Variants in TBL1XR1 observed in about 807,000 individuals in gnomAD.
TBL1XR1 encodes the protein F-box-like/WD repeat-containing protein TBL1XR1.
TBL1XR1 carries 5 observed loss-of-function variants against 66.9 expected under a neutral mutation model. The ratio of observed to expected loss-of-function variants is 0.07; its 90% CI spans 0.04 to 0.16. The LOEUF is 0.16. Among genes scored for constraint, TBL1XR1 ranks in the 10% least tolerant of loss-of-function variants. The pLI is 1.00. For missense variants in TBL1XR1, 238 were observed against 623.2 expected (o/e 0.38, Z 6.58); for synonymous variants, 210 against 206.0 (o/e 1.02, Z -0.17).
intron 1 of TBL1XR1, among the ~76,000 whole-genome samples, chr3:177,099,860 C>T (rs978209425): frequency 2.6e-5 from 4 of 152,206 alleles, no homozygotes; most frequent in African/African-American, 7.2e-5. Context: ...ATCAATGGAG[C>T]ATTTTTGTCA....
At chr3:177,179,528 C>G (rs374753970) in intron 1 of TBL1XR1, among the ~76,000 whole-genome samples, 1 of 152,118 alleles carries the variant, frequency 6.6e-6, no homozygotes, top group East Asian at 1.9e-4. Flanking sequence ...AATATGGGAA[C>G]TGAAGCTCAA....
At chr3:177,073,703 AG>A (rs1720332554) in intron 2 of TBL1XR1, among the ~76,000 whole-genome samples, 3 of 152,344 alleles carry the variant, frequency 2.0e-5, no homozygotes, top group South Asian at 4.1e-4. Flanking sequence ...GGAACAATAC[AG>A]TGAAGAGTGG....
rs1712361561 is a variant in TBL1XR1 at position 177,021,542 on chromosome 3, T to A, written c.*3956A>T. The A allele has an allele frequency of 6.6e-6, 1 of 152,518 alleles. No individual in the cohort carries two copies. Among genetic ancestry groups the A allele is most frequent in the African/African-American group, 2.4e-5 (1 of 41,436 alleles). 9.4% of individuals were successfully genotyped at this position (152,518 alleles called of 1,614,324 possible). ...TTCCTCTTTCTTCTCTCTTCTACAT[T>A]TAACTAGAATCATGTTTAAAAAAAA... On this transcript the variant is annotated 3_prime_UTR_variant, in exon 16 of 16. Coordinates refer to ENST00000457928, the MANE Select transcript of TBL1XR1 (RefSeq NM_024665.7).
intron 1 of TBL1XR1, among the ~76,000 whole-genome samples, chr3:177,171,684 C>T (rs1259136661): frequency 9.0e-6 from 1 of 111,076 alleles, no homozygotes; most frequent in Non-Finnish European, 1.6e-5. Flanking sequence ...GCCTGGGCAA[C>T]AGAGCCAGAC....
In TBL1XR1 at chr3:177,112,387, C is replaced by G. The variant is rs1267139891; in HGVS notation, c.-121-13846G>C. ...CCTCCAAAAGTGCTGGGATTACAGG[C>G]ACGAGCCACGGCCCCCGGCCTAAAG... On this transcript the variant is annotated intron_variant, in intron 1 of 15. Coordinates refer to ENST00000457928, the MANE Select transcript of TBL1XR1 (RefSeq NM_024665.7). Among the ~76,000 whole-genome samples, 3 of 151,718 alleles carry G rather than the reference C, an allele frequency of 2.0e-5. No homozygotes were observed. The East Asian group carries it at 5.9e-4, about 30-fold the overall frequency.
intron 1 of TBL1XR1, among the ~76,000 whole-genome samples, chr3:177,119,116 C>A (rs1042491637): frequency 2.0e-5 from 3 of 152,126 alleles, no homozygotes; most frequent in Non-Finnish European, 4.4e-5. Context: ...GGATTACAGG[C>A]ACCTGCCACC....
intron 10 of TBL1XR1, among the ~76,000 whole-genome samples, chr3:177,043,988 T>C (rs1715974514): frequency 2.0e-5 from 3 of 152,116 alleles, no homozygotes; most frequent in South Asian, 4.1e-4. Context: ...ATTCTAACTA[T>C]GTAGGTATTA....
intron 1 of TBL1XR1, among the ~76,000 whole-genome samples, chr3:177,184,623 G>A (rs1000484644): frequency 1.3e-5 from 2 of 152,100 alleles, no homozygotes; most frequent in Non-Finnish European, 2.9e-5. Flanking sequence ...CCAACATGGT[G>A]AAATCCCGTC....
intron 2 of TBL1XR1, among the ~76,000 whole-genome samples, chr3:177,080,344 A>C (rs1721243482): frequency 6.6e-6 from 1 of 152,188 alleles, no homozygotes; most frequent in Non-Finnish European, 1.5e-5. Flanking sequence ...TGCCCAAGTA[A>C]ATCTAGAAAA....
chr3:177,144,584 T>C (rs1262387312), intron 1 of TBL1XR1, among the ~76,000 whole-genome samples: 1 of 151,372 alleles, frequency 6.6e-6, no homozygotes, highest in Admixed American at 6.6e-5. Context: ...AAACCCCATC[T>C]CTACTTTAGA....
rs1345676048 is a variant in TBL1XR1, at chr3:177,122,290, A to T, written c.-121-23749T>A. Among the ~76,000 whole-genome samples the T allele has an allele frequency of 0.027, 145 of 5,312 alleles. 1 individual carries two copies. In the East Asian group the frequency reaches 0.48, roughly 18 times the overall value. 3.5% of individuals were successfully genotyped at this position (5,312 alleles called of 152,430 possible). On this transcript the variant is annotated intron_variant, in intron 1 of 15. Coordinates refer to ENST00000457928, the MANE Select transcript of TBL1XR1 (RefSeq NM_024665.7). ...ATACATAACTTATATAAGACAGATA[A>T]AAAAAAAAAAAAACACTGTAAGCCT... is the stretch of plus-strand genomic sequence containing the variant.
At chr3:177,169,314 GATAA>G (rs1733191047) in intron 1 of TBL1XR1, among the ~76,000 whole-genome samples, 1 of 152,064 alleles carries the variant, frequency 6.6e-6, no homozygotes, top group Non-Finnish European at 1.5e-5. Flanking sequence ...CACAAAAGTG[GATAA>G]ATCTTTGAAT....
chr3:177,114,787 G>A (rs1285447247), intron 1 of TBL1XR1, among the ~76,000 whole-genome samples: 1 of 151,826 alleles, frequency 6.6e-6, no homozygotes, highest in Non-Finnish European at 1.5e-5. Flanking sequence ...ACAAGTCTGG[G>A]CAACACAGCA....
chr3:177,178,309 C>G (rs1472086260), intron 1 of TBL1XR1, among the ~76,000 whole-genome samples: 2 of 152,178 alleles, frequency 1.3e-5, no homozygotes, highest in African/African-American at 4.8e-5. Flanking sequence ...ATGACATTTA[C>G]TGGGCATCTA....
chr3:177,091,473 G>T (rs1364592675), intron 2 of TBL1XR1, among the ~76,000 whole-genome samples: 1 of 151,994 alleles, frequency 6.6e-6, no homozygotes, highest in Non-Finnish European at 1.5e-5. Flanking sequence ...AGACATAGCT[G>T]ATCTGAGGAC....
intron 1 of TBL1XR1, among the ~76,000 whole-genome samples, chr3:177,104,765 A>G (rs984293619): frequency 7.2e-5 from 11 of 152,260 alleles, no homozygotes; most frequent in African/African-American, 2.7e-4. Context: ...TCACCTAATT[A>G]CTACCTTAGT....
In TBL1XR1 at chr3:177,065,928, ATTC is replaced by A. The variant is rs578255166; in HGVS notation, c.-45-909_-45-907del. 5.3e-5 allele frequency among the ~76,000 whole-genome samples: 8 copies of A among 152,302 alleles called. No individual in the cohort carries two copies. In the East Asian group the frequency reaches 1.3e-3, roughly 26 times the overall value. On this transcript the variant is annotated intron_variant, in intron 2 of 15. Coordinates refer to ENST00000457928, the MANE Select transcript of TBL1XR1 (RefSeq NM_024665.7). ...TAATATCATTGTATCATAAAGTATT[ATTC>A]TTCTGATTTTTTTTTCCTAAGCACT...
intron 1 of TBL1XR1, among the ~76,000 whole-genome samples, chr3:177,183,823 C>T (rs954692449): frequency 1.3e-5 from 2 of 149,532 alleles, no homozygotes; most frequent in Non-Finnish European, 3.0e-5. Flanking sequence ...TCTAATCGGC[C>T]GGGCATGGTG....
chr3:177,157,055 T>C (rs1253746701), intron 1 of TBL1XR1, among the ~76,000 whole-genome samples: 1 of 152,160 alleles, frequency 6.6e-6, no homozygotes, highest in East Asian at 1.9e-4. Context: ...GGTGTAATCA[T>C]TCCTCTCTGG....
Sources: gnomAD v4.1 joint callset for allele counts (sites outside exome capture counted in the v4.1 genomes callset) on GRCh38, gnomAD v4.1.1 for gene constraint, MANE v1.5 for transcripts, NCBI Gene and HGNC (gene_info 2026-07-23, HGNC 2026-07-21) for gene names.